The following SNX9 variants were observed in gnomAD, a reference collection of about 807,000 sequenced individuals.
SNX9 encodes the protein sorting nexin-9.
A neutral mutation model predicts 89.4 loss-of-function variants in SNX9; 44 were observed. That is an observed-to-expected ratio of 0.49 (90% confidence interval 0.39 to 0.63). The LOEUF (loss-of-function observed/expected upper bound fraction) is 0.63. SNX9 is among the 30% of genes least tolerant of loss of function. SNX9 has a pLI of 0.00. For synonymous variants in SNX9, 236 were observed against 247.8 expected (o/e 0.95, Z 0.45); for missense variants, 578 against 736.1 (o/e 0.79, Z 2.49).
At position 157,823,737 on chromosome 6, in the gene SNX9, G is replaced by C. The variant is rs1276563992; in HGVS notation, c.12+291G>C. The stretch of plus-strand genomic sequence containing the variant: ...TTGGGAAGTTTGCACCTGAGCGTGG[G>C]CTGCGGCGGGCTCGCCGGGAGGGGC... On this transcript the variant is annotated intron_variant, in intron 1 of 17. Transcript: ENST00000392185. The surrounding 1 kb of genome is among the most constrained non-coding windows in gnomAD (Gnocchi z 4.6). Among the ~76,000 whole-genome samples the C allele has an allele frequency of 6.6e-6, 1 of 151,966 alleles. No individual in the cohort carries two copies. Among genetic ancestry groups the C allele is most frequent in the South Asian group, 2.1e-4 (1 of 4,832 alleles).
chr6:157,910,123 G>A, intron 9 of SNX9, 98 bp downstream of exon 9: 1 of 869,380 alleles, frequency 1.2e-6, no homozygotes, highest in South Asian at 1.4e-5. Flanking sequence ...ATCCTGTAGA[G>A]CAGCAGGATG....
intron 1 of SNX9, among the ~76,000 whole-genome samples, chr6:157,864,185 GGGGTAA>G (rs1782203914): frequency 6.6e-6 from 1 of 152,156 alleles, no homozygotes. Context: ...CCCTCCTCCA[GGGGTAA>G]GGGTGTTGTG....
At chr6:157,870,222 GCA>G (rs1331118088) in intron 2 of SNX9, among the ~76,000 whole-genome samples, 1 of 148,810 alleles carries the variant, frequency 6.7e-6, no homozygotes, top group East Asian at 2.0e-4. Context: ...ACACATGCAA[GCA>G]CACACATCCC....
chr6:157,858,968 G>A (rs1463848457), intron 1 of SNX9, among the ~76,000 whole-genome samples: 1 of 152,160 alleles, frequency 6.6e-6, no homozygotes, highest in East Asian at 1.9e-4. Context: ...TGGAGACACA[G>A]CCAAACCATA....
intron 10 of SNX9, among the ~76,000 whole-genome samples, chr6:157,922,207 A>G (rs542999753): frequency 7.7e-4 from 118 of 152,304 alleles, no homozygotes; most frequent in African/African-American, 2.7e-3. Context: ...GTTCTTCATT[A>G]AAATCAAGGA....
chr6:157,940,783 T>G, intron 16 of SNX9, 100 bp from the exon 17 acceptor site: 1 of 1,019,986 alleles, frequency 9.8e-7, no homozygotes. Flanking sequence ...CCAACCAGAT[T>G]AGGTCAGGTT....
At chr6:157,941,391 G>T (rs1195420835) in intron 17 of SNX9, among the ~76,000 whole-genome samples, 1 of 152,164 alleles carries the variant, frequency 6.6e-6, no homozygotes, top group Admixed American at 6.5e-5. Context: ...TTTGCTTTTT[G>T]TGAATGAGGT....
intron 15 of SNX9, among the ~76,000 whole-genome samples, 173 bp downstream of exon 15, chr6:157,937,696 G>C (rs1394394323): frequency 6.6e-6 from 1 of 152,232 alleles, no homozygotes; most frequent in East Asian, 1.9e-4. Context: ...CCTCACATAT[G>C]AATTCTGGTT....
Position 157,875,049 on chromosome 6 carries a change from A to G in SNX9, c.175-2A>G. 1 of 1,613,694 alleles carries G rather than the reference A, an allele frequency of 6.2e-7. No individual in the cohort carries two copies. The highest frequency in any genetic ancestry group is 8.5e-7 in the Non-Finnish European group (1 of 1,179,846). ...ATAATTGCGGCTCTTTCTCCTATTCAGATTTTACCCAGTGATGGAAAAGAT... is the reference window on the plus strand; with the variant it reads ...ATAATTGCGGCTCTTTCTCCTATTCGGATTTTACCCAGTGATGGAAAAGAT... On this transcript the variant is annotated splice_acceptor_variant, in intron 3 of 17. Coordinates refer to ENST00000392185, the MANE Select transcript of SNX9 (RefSeq NM_016224.5). LOFTEE classifies it high-confidence loss of function.
At chr6:157,936,904 TTAAAC>T (rs763320962) in intron 14 of SNX9, among the ~76,000 whole-genome samples, 5 of 152,344 alleles carry the variant, frequency 3.3e-5, no homozygotes, top group Admixed American at 6.5e-5. Flanking sequence ...TCAGATGACT[TTAAAC>T]TATGTGTATG....
chr6:157,870,143 A>T (rs1291473622), intron 2 of SNX9, among the ~76,000 whole-genome samples: 2 of 151,306 alleles, frequency 1.3e-5, no homozygotes, highest in Non-Finnish European at 2.9e-5. Context: ...ATGTGAGCAC[A>T]CACACCCCTC....
intron 5 of SNX9, among the ~76,000 whole-genome samples, chr6:157,897,679 T>C (rs1417112602): frequency 6.6e-6 from 1 of 151,964 alleles, no homozygotes; most frequent in African/African-American, 2.4e-5. Context: ...CACACCCGGC[T>C]GATTTTTTGT....
chr6:157,929,644 A>G (rs1783768619), intron 12 of SNX9, among the ~76,000 whole-genome samples: 2 of 152,240 alleles, frequency 1.3e-5, no homozygotes. Flanking sequence ...TATGAGTAAC[A>G]TATACCTACT....
intron 6 of SNX9, among the ~76,000 whole-genome samples, chr6:157,902,284 A>G (rs991036338): frequency 1.3e-5 from 2 of 152,196 alleles, no homozygotes; most frequent in African/African-American, 4.8e-5. Context: ...GATTTCCCAA[A>G]CTGTTTTCAT....
chr6:157,937,337 C>G, intron 14 of SNX9, 97 bp from the exon 15 acceptor site: 1 of 785,978 alleles, frequency 1.3e-6, no homozygotes, highest in Non-Finnish European at 2.1e-6. Context: ...TTTAGTGTAG[C>G]ACATGCAGGA....
In SNX9 at chr6:157,844,600, G is replaced by GTTTTTTTTTTT. The variant is rs34836632; in HGVS notation, c.12+21155_12+21165dup. On this transcript the variant is annotated intron_variant, in intron 1 of 17. Coordinates refer to ENST00000392185, the MANE Select transcript of SNX9 (RefSeq NM_016224.5). ...TGGCTAATCCTTGTTTTTTTTTTTT[G>GTTTTTTTTTTT]TTTTTTTTTTTGAGACAGAGTCTCA... 2.8e-4 allele frequency among the ~76,000 whole-genome samples: 37 copies of GTTTTTTTTTTT among 131,828 alleles called. 1 individual carries two copies. The East Asian group carries it at 5.7e-3, about 20-fold the overall frequency. The allele number at this position is 131,828 out of a possible 152,430, so 86.5% of individuals were successfully genotyped here. A position where few individuals can be genotyped will look rare whatever the true frequency, so the allele number is the denominator to read the frequency against.
intron 4 of SNX9, among the ~76,000 whole-genome samples, chr6:157,896,034 C>T (rs1053933232): frequency 1.3e-5 from 2 of 152,146 alleles, no homozygotes; most frequent in Non-Finnish European, 2.9e-5. Context: ...TGTTCTATTT[C>T]CTTATTAACC....
At position 157,942,367 on chromosome 6, in the gene SNX9, C is replaced by G. The variant is rs188536172; in HGVS notation, c.1741-424C>G. Among the ~76,000 whole-genome samples, 447 of 152,348 alleles carry G rather than the reference C, an allele frequency of 2.9e-3. 1 individual carries two copies. The highest frequency in any genetic ancestry group is 9.4e-3 in the African/African-American group (392 of 41,586). ...CGTTAGCTTCACAGGCAGGCTCGTGCTGTCTGCACACTCAGCAGTGACAGC... is the reference window on the plus strand; with the variant it reads ...CGTTAGCTTCACAGGCAGGCTCGTGGTGTCTGCACACTCAGCAGTGACAGC... On this transcript the variant is annotated intron_variant, in intron 17 of 17. Transcript: ENST00000392185.
At chr6:157,907,511 C>G (rs902602576) in intron 7 of SNX9, among the ~76,000 whole-genome samples, 2 of 152,154 alleles carry the variant, frequency 1.3e-5, no homozygotes, top group African/African-American at 4.8e-5. Flanking sequence ...GTCTTGAACT[C>G]CTGACCTTGT....
Sources: allele counts gnomAD v4.1 joint callset (sites outside exome capture counted in the v4.1 genomes callset), GRCh38; gene constraint gnomAD v4.1.1; non-coding constraint Gnocchi (gnomAD v3.1); transcripts MANE v1.5; gene names NCBI Gene and HGNC (gene_info 2026-07-23, HGNC 2026-07-21).